NOL4: variants seen among roughly 807,000 people sequenced by gnomAD.
NOL4 encodes nucleolar protein 4, also known as cancer/testis antigen 125.
In NOL4, 17 loss-of-function variants were observed where a neutral mutation model predicts 75.9. The ratio of observed to expected loss-of-function variants is 0.22; its 90% confidence interval spans 0.15 to 0.34. The LOEUF (loss-of-function observed/expected upper bound fraction) is 0.34. NOL4 is among the 10% of genes least tolerant of loss of function. NOL4 has a pLI of 1.00. For synonymous variants in NOL4, 292 were observed against 289.9 expected, an observed-to-expected ratio of 1.01 and a Z score of -0.07; for missense variants, 614 against 793.5, an observed-to-expected ratio of 0.77 and a Z score of 2.72.
chr18:34,158,854 A>G (rs2030927749), intron 1 of NOL4, among the ~76,000 whole-genome samples: 2 of 152,218 alleles, frequency 1.3e-5, no homozygotes. Context: ...GACGGTATAA[A>G]AGGAAGCGTT....
intron 9 of NOL4, among the ~76,000 whole-genome samples, chr18:33,931,052 A>G (rs1023660284): frequency 6.6e-6 from 1 of 152,122 alleles, no homozygotes; most frequent in Non-Finnish European, 1.5e-5. Context: ...CTGGCAAATT[A>G]AAAAAACACA....
chr18:34,163,255 C>G (rs552737895), intron 1 of NOL4, among the ~76,000 whole-genome samples: 8 of 148,406 alleles, frequency 5.4e-5, no homozygotes, highest in Admixed American at 4.8e-4. Context: ...ATTAGGCAGG[C>G]GAAGGAAATA....
chr18:34,206,794 AT>A (rs746977787), intron 1 of NOL4, among the ~76,000 whole-genome samples: 14 of 151,810 alleles, frequency 9.2e-5, no homozygotes, highest in African/African-American at 2.4e-4. Flanking sequence ...TTATTTTTCT[AT>A]TTTTTTTATC....
chr18:34,135,713 C>T (rs1361808102), intron 1 of NOL4, among the ~76,000 whole-genome samples: 20 of 23,922 alleles, frequency 8.4e-4, no homozygotes, highest in Non-Finnish European at 1.5e-3. Context: ...AAAAAAAAAG[C>T]TTTTCACACA....
At chr18:33,864,247 T>C (rs961727400) in intron 10 of NOL4, among the ~76,000 whole-genome samples, 1 of 152,190 alleles carries the variant, frequency 6.6e-6, no homozygotes, top group African/African-American at 2.4e-5. Flanking sequence ...TCACTACTTA[T>C]GCAAATTTCT....
chr18:33,905,914 C>T (rs1439125753), intron 9 of NOL4, among the ~76,000 whole-genome samples: 3 of 152,168 alleles, frequency 2.0e-5, no homozygotes. Flanking sequence ...GACAACATCC[C>T]ATTGTCCTCA....
At chr18:34,053,624 C>A (rs976709168) in intron 5 of NOL4, among the ~76,000 whole-genome samples, 1 of 151,732 alleles carries the variant, frequency 6.6e-6, no homozygotes, top group Non-Finnish European at 1.5e-5. Context: ...ATTTTTCATA[C>A]ATAATGTCCA....
intron 1 of NOL4, among the ~76,000 whole-genome samples, chr18:34,166,668 T>C (rs2032371515): frequency 6.6e-6 from 1 of 152,120 alleles, no homozygotes; most frequent in African/African-American, 2.4e-5. Flanking sequence ...AGTTGACCTT[T>C]TGGGTCTGCA....
intron 1 of NOL4, among the ~76,000 whole-genome samples, chr18:34,150,304 A>T (rs969764887): frequency 6.6e-6 from 1 of 151,672 alleles, no homozygotes; most frequent in Non-Finnish European, 1.5e-5. Flanking sequence ...AAGGAGAAGA[A>T]TAAAGTCATA....
chr18:34,125,476 T>C (rs921919257), intron 2 of NOL4, among the ~76,000 whole-genome samples: 8 of 152,116 alleles, frequency 5.3e-5, no homozygotes, highest in African/African-American at 1.9e-4. Context: ...TTGACAAAAA[T>C]TCTGGGAATT....
intron 2 of NOL4, among the ~76,000 whole-genome samples, chr18:34,120,091 A>C (rs1018823564): frequency 2.0e-5 from 3 of 152,198 alleles, no homozygotes; most frequent in African/African-American, 4.8e-5. Context: ...AGCCTTAAAG[A>C]CTATATTTAT....
intron 5 of NOL4, among the ~76,000 whole-genome samples, chr18:34,077,430 T>C (rs1233290850): frequency 1.3e-5 from 2 of 152,128 alleles, no homozygotes; most frequent in Non-Finnish European, 2.9e-5. Context: ...TATAGATATA[T>C]ACACATATAT....
chr18:34,048,259 C>T (rs1312039893), intron 5 of NOL4, among the ~76,000 whole-genome samples: 1 of 152,016 alleles, frequency 6.6e-6, no homozygotes, highest in African/African-American at 2.4e-5. Context: ...TTAAAAAGTA[C>T]CTAAAATTTT....
intron 5 of NOL4, among the ~76,000 whole-genome samples, chr18:34,076,311 C>G (rs577116453): frequency 1.3e-5 from 2 of 152,232 alleles, no homozygotes; most frequent in African/African-American, 2.4e-5. Flanking sequence ...CAAACTTTTT[C>G]ACTTTATTAT....
intron 5 of NOL4, among the ~76,000 whole-genome samples, chr18:34,055,508 T>C (rs2076798813): frequency 6.6e-6 from 1 of 152,114 alleles, no homozygotes; most frequent in Admixed American, 6.6e-5. Flanking sequence ...ACATGATGAG[T>C]CTTTTTTCCC....
At chr18:34,149,813 A>C (rs1024472365) in intron 1 of NOL4, among the ~76,000 whole-genome samples, 4 of 151,686 alleles carry the variant, frequency 2.6e-5, no homozygotes, top group Non-Finnish European at 4.4e-5. Flanking sequence ...CTTAGTGATC[A>C]TTATTTTGAA....
intron 5 of NOL4, among the ~76,000 whole-genome samples, chr18:34,045,882 CTGAA>C (rs1387567853): frequency 6.6e-6 from 1 of 152,072 alleles, no homozygotes; most frequent in Non-Finnish European, 1.5e-5. Flanking sequence ...ATCTCTTGTG[CTGAA>C]TAACATTTTT....
chr18:34,060,008 C>T (rs1300741463), intron 5 of NOL4, among the ~76,000 whole-genome samples: 1 of 152,176 alleles, frequency 6.6e-6, no homozygotes, highest in Non-Finnish European at 1.5e-5. Context: ...CGGAGGACTA[C>T]AGCTCCCACC....
intron 9 of NOL4, among the ~76,000 whole-genome samples, chr18:33,889,464 A>G (rs1333546665): frequency 6.6e-6 from 1 of 152,116 alleles, no homozygotes; most frequent in Non-Finnish European, 1.5e-5. Context: ...AGGTACAAAG[A>G]GGAGCTGCTA....
Sources: allele counts gnomAD v4.1 joint callset (sites outside exome capture counted in the v4.1 genomes callset), GRCh38; gene constraint gnomAD v4.1.1; transcripts MANE v1.5; gene names NCBI Gene and HGNC (gene_info 2026-07-23, HGNC 2026-07-21).